Variants in ANKRD52 observed in about 807,000 individuals in gnomAD.
ANKRD52 encodes serine/threonine-protein phosphatase 6 regulatory ankyrin repeat subunit C.
ANKRD52 carries 7 observed loss-of-function variants against 116.0 expected under a neutral mutation model. The ratio of observed to expected loss-of-function variants is 0.06; its 90% confidence interval spans 0.03 to 0.11. ANKRD52 has a LOEUF of 0.11. Among genes scored for constraint, ANKRD52 ranks in the 10% least tolerant of loss-of-function variants. The pLI, the probability that ANKRD52 is intolerant of heterozygous loss-of-function variation, is 1.00. For synonymous variants in ANKRD52, 528 were observed against 578.1 expected, an observed-to-expected ratio of 0.91 and a Z score of 1.24; for missense variants, 839 against 1,408.6, an observed-to-expected ratio of 0.60 and a Z score of 6.47.
In ANKRD52 at chr12:56,238,697, C is replaced by T. The variant is rs1871032478; in HGVS notation, c.*4445G>A. 1 of 152,258 alleles carries T rather than the reference C, an allele frequency of 6.6e-6. No homozygotes were observed. Among genetic ancestry groups the T allele is most frequent in the African/African-American group, 2.4e-5 (1 of 41,384 alleles). The allele number at this position is 152,258 out of a possible 1,614,324, so 9.4% of individuals were successfully genotyped here. ...GACTTCATCCTCCATCCTCCCCTAA[C>T]CCTTCCCAAACCCCTGCCAAACCCA... On this transcript the variant is annotated 3_prime_UTR_variant, in exon 28 of 28. Coordinates refer to ENST00000267116, the MANE Select transcript of ANKRD52 (RefSeq NM_173595.4).
rs1871280441 is a variant in ANKRD52 at position 56,243,962 on chromosome 12, A to G, written c.2889-86T>C. On this transcript the variant is annotated intron_variant, in intron 26 of 27. Coordinates refer to ENST00000267116, the MANE Select transcript of ANKRD52 (RefSeq NM_173595.4). This position sits in a 1 kb window ranked among gnomAD's most constrained non-coding sequence, Gnocchi z 4.6. ...GTGGCAAGGGTGCTGAACAAATACAATGGGCTCCAGAGAGCCTCTGAACAG... is the reference window on the plus strand; with the variant it reads ...GTGGCAAGGGTGCTGAACAAATACAGTGGGCTCCAGAGAGCCTCTGAACAG... The G allele has an allele frequency of 2.5e-6, 4 of 1,600,598 alleles. No individual in the cohort carries two copies. The highest frequency in any genetic ancestry group is 2.2e-5 in the East Asian group (1 of 44,806).
intron 15 of ANKRD52, 146 bp from the exon 16 acceptor site, chr12:56,249,016 T>A: frequency 1.7e-6 from 1 of 572,386 alleles, no homozygotes; most frequent in Non-Finnish European, 3.1e-6. Context: ...CTCTAAATCC[T>A]ACCCATTCTT....
Position 56,255,896 on chromosome 12 carries a change from T to C in ANKRD52, c.350A>G (p.Asn117Ser), listed in dbSNP as rs1159921981. The change falls in exon 5 of 28, where the codon AAC becomes AGC. Residue 117 changes from asparagine (N) to serine (S), a missense_variant. Around this residue, in one of 2 missense-constraint regions of ANKRD52, gnomAD observed 287 missense variants for 598.1 expected, o/e 0.48. Transcript: ENST00000267116. The surrounding 1 kb of genome is among the most constrained non-coding windows in gnomAD (Gnocchi z 4.3). ...AGCCTCAGCACACTTGGTGGCCCGG[T>C]TGGCAGCAGCCACATGCAGTGGTGT... ...WQTPLHVAAA[N>S]RATKCAEALA... The C allele has an allele frequency of 6.4e-7, 1 of 1,572,852 alleles. No homozygotes were observed. The highest frequency in any genetic ancestry group is 8.6e-7 in the Non-Finnish European group (1 of 1,158,560).
intron 2 of ANKRD52, among the ~76,000 whole-genome samples, 172 bp from the exon 3 acceptor site, chr12:56,257,533 G>C (rs1023407651): frequency 3.9e-5 from 6 of 152,088 alleles, no homozygotes; most frequent in African/African-American, 7.2e-5. Context: ...GGAGGGTGGA[G>C]TCAGGGCCAA....
In ANKRD52 at chr12:56,252,222, T is replaced by G; in HGVS notation, c.1464A>C (p.Lys488Asn). Residue 488 changes from lysine to asparagine, a missense_variant, in exon 14 of 28, where the codon AAA becomes AAC. By Grantham distance (94) the Lys-to-Asn change is moderately conservative (BLOSUM62 0). Around this residue, in one of 2 missense-constraint regions of ANKRD52, gnomAD observed 552 missense variants for 810.6 expected, o/e 0.68. Transcript: ENST00000267116. The surrounding 1 kb of genome is among the most constrained non-coding windows in gnomAD (Gnocchi z 4.7). ...AGAGVNEADCKGCSPLHYAAA... is the reference protein window; with the variant it reads ...AGAGVNEADCNGCSPLHYAAA... ...CAGCGTAGTGGAGGGGAGAGCAGCC[T>G]TTACAGTCGGCCTCGTTGACACCTG... 6.2e-7 allele frequency: 1 copy of G among 1,613,962 alleles called. No homozygotes were observed. Among genetic ancestry groups the G allele is most frequent in the Non-Finnish European group, 8.5e-7 (1 of 1,179,888 alleles).
At position 56,253,017 on chromosome 12, in the gene ANKRD52, C is replaced by A; in HGVS notation, c.1170G>T (p.Lys390Asn). ...ATCAGCACATACCTGAGGAAAGAAGCTTACGACAACAGTCAGAGAATCCAA... is the reference window on the plus strand; with the variant it reads ...ATCAGCACATACCTGAGGAAAGAAGATTACGACAACAGTCAGAGAATCCAA... ...VLFGFSDCCRKLLSSGQLYSI... is the reference protein window; with the variant it reads ...VLFGFSDCCRNLLSSGQLYSI... The change falls in exon 11 of 28, where the codon AAG becomes AAT. Residue 390 changes from lysine to asparagine, a missense_variant. This residue lies in a region of ANKRD52 where 287 missense variants were observed against 598.1 expected (regional missense o/e 0.48). Coordinates refer to ENST00000267116, the MANE Select transcript of ANKRD52 (RefSeq NM_173595.4). This position sits in a 1 kb window ranked among gnomAD's most constrained non-coding sequence, Gnocchi z 5.5. The A allele has an allele frequency of 6.3e-7, 1 of 1,586,362 alleles. No individual in the cohort carries two copies. The highest frequency in any genetic ancestry group is 8.6e-7 in the Non-Finnish European group (1 of 1,166,452).
In ANKRD52 at chr12:56,248,477, A is replaced by G. The variant is rs1421771599; in HGVS notation, c.1776+18T>C. The stretch of plus-strand genomic sequence containing the variant: ...AGGTAGGACAAGGAAGGCAACAGAA[A>G]AAAGACGTGGGACTCACAGCTAAGT... On this transcript the variant is annotated intron_variant, in intron 17 of 27. Coordinates refer to ENST00000267116, the MANE Select transcript of ANKRD52 (RefSeq NM_173595.4). This position sits in a 1 kb window ranked among gnomAD's most constrained non-coding sequence, Gnocchi z 5.1. The G allele has an allele frequency of 1.3e-6, 2 of 1,584,480 alleles. No homozygotes were observed. The highest frequency in any genetic ancestry group is 1.7e-6 in the Non-Finnish European group (2 of 1,165,288).
At position 56,243,082 on chromosome 12, in the gene ANKRD52, T is replaced by C; in HGVS notation, c.*60A>G. On this transcript the variant is annotated 3_prime_UTR_variant, in exon 28 of 28. Transcript: ENST00000267116. This position sits in a 1 kb window ranked among gnomAD's most constrained non-coding sequence, Gnocchi z 4.6. ...TTAAAGTGCCCTAAATGTTTAGACT[T>C]TTTCTAAATAAATAGAATTAGATAT... 6.7e-7 allele frequency: 1 copy of C among 1,491,750 alleles called. No homozygotes were observed. The highest frequency in any genetic ancestry group is 8.9e-7 in the Non-Finnish European group (1 of 1,121,314). The allele number at this position is 1,491,750 out of a possible 1,614,324, so 92.4% of individuals were successfully genotyped here. A position where few individuals can be genotyped will look rare whatever the true frequency, so the allele number is the denominator to read the frequency against.
Position 56,238,503 on chromosome 12 carries a change from C to T in ANKRD52, c.*4639G>A, listed in dbSNP as rs1234091384. ...CCCTCTCCCCTGTCTTGCTGTCCCCCGCAGGGGAACTATATTGCTTTGAGA... is the reference window on the plus strand; with the variant it reads ...CCCTCTCCCCTGTCTTGCTGTCCCCTGCAGGGGAACTATATTGCTTTGAGA... On this transcript the variant is annotated 3_prime_UTR_variant, in exon 28 of 28. Transcript: ENST00000267116. 4 of 152,274 alleles carry T rather than the reference C, an allele frequency of 2.6e-5. No homozygotes were observed. Among genetic ancestry groups the T allele is most frequent in the African/African-American group, 9.7e-5 (4 of 41,438 alleles). 9.4% of individuals were successfully genotyped at this position (152,274 alleles called of 1,614,324 possible). A position where few individuals can be genotyped will look rare whatever the true frequency, so the allele number is the denominator to read the frequency against.
intron 15 of ANKRD52, among the ~76,000 whole-genome samples, chr12:56,251,313 C>T (rs12368168): frequency 0.016 from 2,376 of 148,996 alleles, 24 homozygotes; most frequent in Non-Finnish European, 0.025. Context: ...GGCGTGATCT[C>T]GGCTCACTAC....
In ANKRD52 at chr12:56,237,847, G is replaced by C; in HGVS notation, c.*5295C>G. ...TTTAATAAACAGAACCCATCCCAAA[G>C]CCATGACTACGACAGTTGTACTTGC... On this transcript the variant is annotated 3_prime_UTR_variant, in exon 28 of 28. Transcript: ENST00000267116. 8.0e-7 allele frequency: 1 copy of C among 1,251,776 alleles called. No individual in the cohort carries two copies. The highest frequency in any genetic ancestry group is 1.1e-6 in the Non-Finnish European group (1 of 935,462). The allele number at this position is 1,251,776 out of a possible 1,614,324, so 77.5% of individuals were successfully genotyped here.
At chr12:56,246,290 A>G (rs1467821590) in intron 20 of ANKRD52, among the ~76,000 whole-genome samples, 2 of 152,102 alleles carry the variant, frequency 1.3e-5, no homozygotes, top group East Asian at 3.9e-4. Context: ...TTGGCCTTCC[A>G]AAGTGCTGGG....
In ANKRD52 at chr12:56,254,263, G is replaced by A. The variant is rs754882385; in HGVS notation, c.710C>T (p.Ala237Val). Residue 237 changes from alanine (A) to valine (V), a missense_variant, in exon 8 of 28, where the codon GCT becomes GTT. Around this residue, in one of 2 missense-constraint regions of ANKRD52, gnomAD observed 287 missense variants for 598.1 expected, o/e 0.48. Coordinates refer to ENST00000267116, the MANE Select transcript of ANKRD52 (RefSeq NM_173595.4). This position sits in a 1 kb window ranked among gnomAD's most constrained non-coding sequence, Gnocchi z 4.6. ...GATGTGCAAAGCTGTGTTTCCAAAA[G>A]CATTGGGTTCATCGATCTGGATATT... ...RMGAEIDEPNAFGNTALHIAC... is the reference protein window; with the variant it reads ...RMGAEIDEPNVFGNTALHIAC... 4 of 1,613,636 alleles carry A rather than the reference G, an allele frequency of 2.5e-6. No homozygotes were observed. The highest frequency in any genetic ancestry group is 3.4e-6 in the Non-Finnish European group (4 of 1,179,866).
intron 3 of ANKRD52, 24 bp from the exon 4 acceptor site, chr12:56,257,109 T>C (rs1324959434): frequency 6.2e-7 from 1 of 1,607,374 alleles, no homozygotes; most frequent in Non-Finnish European, 8.5e-7. Flanking sequence ...ATTTCCTATT[T>C]TGATGGAAGG....
At chr12:56,246,731 C>G (rs938660977) in intron 20 of ANKRD52, among the ~76,000 whole-genome samples, 1 of 151,530 alleles carries the variant, frequency 6.6e-6, no homozygotes, top group African/African-American at 2.4e-5. Context: ...ACTACCCTGG[C>G]TAACACGGTG....
intron 4 of ANKRD52, among the ~76,000 whole-genome samples, chr12:56,256,722 G>A (rs185015195): frequency 6.6e-6 from 1 of 152,232 alleles, no homozygotes; most frequent in Non-Finnish European, 1.5e-5. Context: ...GCCCAGAGGG[G>A]GATCAGACTC....
In ANKRD52 at chr12:56,248,713, G is replaced by A. The variant is rs776430518; in HGVS notation, c.1704+46C>T. On this transcript the variant is annotated intron_variant, in intron 16 of 27. Transcript: ENST00000267116. The surrounding 1 kb of genome is among the most constrained non-coding windows in gnomAD (Gnocchi z 5.1). ...TAGTTTTGGAATCCACAAACCCTGT[G>A]CCCTGCCCCTGCCTCCCCTCCTGCA... The A allele has an allele frequency of 6.5e-7, 1 of 1,543,336 alleles. No individual in the cohort carries two copies.
rs1255060125 is a variant in ANKRD52 at position 56,243,129 on chromosome 12, A to G, written c.*13T>C. The G allele has an allele frequency of 3.2e-6, 5 of 1,564,902 alleles. No individual in the cohort carries two copies. The highest frequency in any genetic ancestry group is 3.5e-6 in the Non-Finnish European group (4 of 1,152,902). On this transcript the variant is annotated 3_prime_UTR_variant, in exon 28 of 28. Coordinates refer to ENST00000267116, the MANE Select transcript of ANKRD52 (RefSeq NM_173595.4). The surrounding 1 kb of genome is among the most constrained non-coding windows in gnomAD (Gnocchi z 4.6). ...ATATCAAGCCACCGGCGGGGGAGGG[A>G]CACTGGAGGGGGCTACTCAGAGTAG...
At chr12:56,245,768 G>A (rs1224051363) in intron 20 of ANKRD52, among the ~76,000 whole-genome samples, 172 bp from the exon 21 acceptor site, 2 of 146,594 alleles carry the variant, frequency 1.4e-5, no homozygotes, top group Non-Finnish European at 3.0e-5. Context: ...AGGCTGGAGT[G>A]CAGTGGCATA....
Sources: allele counts gnomAD v4.1 joint callset (sites outside exome capture counted in the v4.1 genomes callset), GRCh38; gene constraint gnomAD v4.1.1; regional missense constraint gnomAD v4.1.1; non-coding constraint Gnocchi (gnomAD v3.1); transcripts MANE v1.5; gene names NCBI Gene and HGNC (gene_info 2026-07-23, HGNC 2026-07-21).